The following SEZ6L variants were observed in gnomAD, a reference collection of about 807,000 sequenced individuals.
The protein encoded by SEZ6L is seizure related 6 homolog like, also known as seizure 6-like protein.
SEZ6L carries 37 observed loss-of-function variants against 106.2 expected under a neutral mutation model. That is an observed-to-expected ratio of 0.35 (90% CI 0.27 to 0.46). The LOEUF (loss-of-function observed/expected upper bound fraction) is 0.46, where lower values mean the gene tolerates loss of function less well. SEZ6L is among the 20% of genes least tolerant of loss of function. The probability of loss-of-function intolerance (pLI) is 1.00; values close to 1 mark genes in which losing one functional copy is unlikely to be tolerated. For synonymous variants in SEZ6L, 541 were observed against 570.4 expected (o/e 0.95, Z 0.73); for missense variants, 1,172 against 1,332.8 (o/e 0.88, Z 1.88).
At chr22:26,372,002 G>A (rs114796894) in intron 13 of SEZ6L, among the ~76,000 whole-genome samples, 36 of 152,318 alleles carry the variant, frequency 2.4e-4, no homozygotes, top group African/African-American at 7.7e-4. Flanking sequence ...CACCTGACTG[G>A]GACTTGGGGA....
chr22:26,183,334 C>T (rs1011553828), intron 1 of SEZ6L, among the ~76,000 whole-genome samples: 5 of 152,286 alleles, frequency 3.3e-5, no homozygotes, highest in African/African-American at 1.2e-4. Flanking sequence ...CTTATCTAAC[C>T]ATTCTTCAAA....
intron 5 of SEZ6L, among the ~76,000 whole-genome samples, chr22:26,304,412 G>GAAAT (rs1478781172): frequency 2.8e-5 from 4 of 141,564 alleles, no homozygotes; most frequent in African/African-American, 1.1e-4. Flanking sequence ...AAGAAAGAAA[G>GAAAT]AAAGAAAGAA....
At chr22:26,338,868 T>TTTTTTTC (rs1180473027) in intron 9 of SEZ6L, among the ~76,000 whole-genome samples, 2 of 78,696 alleles carry the variant, frequency 2.5e-5, no homozygotes, top group Non-Finnish European at 5.5e-5. Context: ...TTTTTTTTTC[T>TTTTTTTC]TTTTTTTTTT....
Position 26,310,764 on chromosome 22 carries a change from G to C in SEZ6L, c.1609G>C (p.Gly537Arg). Residue 537 changes from glycine to arginine, a missense_variant, in exon 7 of 17, where the codon GGC (glycine) becomes CGC (arginine). Gly to Arg is a moderately radical substitution (Grantham distance 125). Around this residue, in one of 4 missense-constraint regions of SEZ6L, gnomAD observed 534 missense variants for 691.0 expected, o/e 0.77. Coordinates refer to ENST00000248933, the MANE Select transcript of SEZ6L (RefSeq NM_021115.5). ...SVPFEGLLSE[G>R]NTIRIEFTSD... ...CCCTTTTGAGGGCCTGCTGAGCGAA[G>C]GCAACACCATCCGCATCGAGTTCAC... The C allele has an allele frequency of 6.2e-7, 1 of 1,614,118 alleles. No homozygotes were observed. The highest frequency in any genetic ancestry group is 8.5e-7 in the Non-Finnish European group (1 of 1,180,020).
intron 9 of SEZ6L, among the ~76,000 whole-genome samples, chr22:26,331,532 T>C (rs1315006451): frequency 3.3e-5 from 5 of 152,192 alleles, no homozygotes; most frequent in African/African-American, 1.2e-4. Context: ...CAGAAAGCTT[T>C]TATCTATCAA....
intron 9 of SEZ6L, among the ~76,000 whole-genome samples, chr22:26,329,484 G>A (rs892020879): frequency 3.3e-5 from 5 of 152,114 alleles, no homozygotes; most frequent in African/African-American, 1.2e-4. Flanking sequence ...AAAAGAAAAA[G>A]AAAACTCATC....
chr22:26,336,438 G>A (rs960180073), intron 9 of SEZ6L, among the ~76,000 whole-genome samples: 2 of 152,052 alleles, frequency 1.3e-5, no homozygotes, highest in African/African-American at 4.8e-5. Flanking sequence ...GCCTAGGATG[G>A]CCTCCCAGAC....
intron 9 of SEZ6L, among the ~76,000 whole-genome samples, chr22:26,317,486 G>A (rs950590259): frequency 4.0e-5 from 6 of 151,440 alleles, no homozygotes; most frequent in Admixed American, 1.3e-4. Context: ...TAAATAAGAC[G>A]GGCCCACATC....
intron 1 of SEZ6L, among the ~76,000 whole-genome samples, chr22:26,253,728 T>G (rs1489339360): frequency 2.0e-5 from 3 of 152,210 alleles, no homozygotes; most frequent in Non-Finnish European, 4.4e-5. Context: ...GGGACAAAAA[T>G]TGGTGCTTAG....
intron 1 of SEZ6L, among the ~76,000 whole-genome samples, chr22:26,259,417 T>C (rs1396868466): frequency 6.6e-6 from 1 of 152,178 alleles, no homozygotes; most frequent in Non-Finnish European, 1.5e-5. Flanking sequence ...CCCATGTAAT[T>C]GCAGCTGGAA....
Position 26,169,694 on chromosome 22 carries a change from G to C in SEZ6L, c.25G>C (p.Ala9Pro). Reference sequence around the variant, plus strand: ...GATGCCCGCGGCCCGGCCGCCCGCCGCGGGACTCCGCGGGATCTCGCTGTT... The same window carrying C: ...GATGCCCGCGGCCCGGCCGCCCGCCCCGGGACTCCGCGGGATCTCGCTGTT... MPAARPPAAGLRGISLFLA... is the reference protein window; with the variant it reads MPAARPPAPGLRGISLFLA... Residue 9 changes from alanine (A) to proline (P), a missense_variant, in exon 1 of 17, where the codon GCG becomes CCG. This residue lies in a region of SEZ6L where 494 missense variants were observed against 445.8 expected (regional missense o/e 1.11). Transcript: ENST00000248933. 7.6e-7 allele frequency: 1 copy of C among 1,313,552 alleles called. No homozygotes were observed. Among genetic ancestry groups the C allele is most frequent in the Non-Finnish European group, 9.7e-7 (1 of 1,033,494 alleles). 81.4% of individuals were successfully genotyped at this position (1,313,552 alleles called of 1,614,324 possible). A position where few individuals can be genotyped will look rare whatever the true frequency, so the allele number is the denominator to read the frequency against.
rs1345566222 is a variant in SEZ6L at position 26,292,598 on chromosome 22, T to C, written c.287T>C (p.Ile96Thr). The change falls in exon 2 of 17, where the codon ATC becomes ACC. Residue 96 changes from isoleucine (I) to threonine (T), a missense_variant. Around this residue, in one of 4 missense-constraint regions of SEZ6L, gnomAD observed 494 missense variants for 445.8 expected, o/e 1.11. Coordinates refer to ENST00000248933, the MANE Select transcript of SEZ6L (RefSeq NM_021115.5). ...DGTAPSAHHDIPALSPLLPEE... is the reference protein window; with the variant it reads ...DGTAPSAHHDTPALSPLLPEE... ...ACCGCACCCTCTGCACATCACGACA[T>C]CCCAGCCCTGTCACCGCTGCTTCCA... 1 of 1,613,566 alleles carries C rather than the reference T, an allele frequency of 6.2e-7. No individual in the cohort carries two copies. Among genetic ancestry groups the C allele is most frequent in the Non-Finnish European group, 8.5e-7 (1 of 1,179,822 alleles).
intron 12 of SEZ6L, among the ~76,000 whole-genome samples, chr22:26,352,975 G>A (rs1340807163): frequency 1.3e-5 from 2 of 152,192 alleles, no homozygotes; most frequent in Admixed American, 6.5e-5. Flanking sequence ...TAGGCCCAAA[G>A]CGCTTGCTTC....
At chr22:26,196,048 C>A (rs1940557215) in intron 1 of SEZ6L, among the ~76,000 whole-genome samples, 1 of 152,088 alleles carries the variant, frequency 6.6e-6, no homozygotes, top group Admixed American at 6.6e-5. Flanking sequence ...AAATTGTAAT[C>A]CCCAATGTTG....
chr22:26,371,812 T>G (rs1472482289), intron 13 of SEZ6L, among the ~76,000 whole-genome samples: 1 of 152,170 alleles, frequency 6.6e-6, no homozygotes, highest in Non-Finnish European at 1.5e-5. Context: ...ATGGAATTGC[T>G]AGCAAGAAAG....
intron 1 of SEZ6L, among the ~76,000 whole-genome samples, chr22:26,221,596 G>A (rs772784830): frequency 2.0e-5 from 3 of 152,212 alleles, no homozygotes; most frequent in Admixed American, 6.5e-5. Flanking sequence ...GCAAGCACTC[G>A]CTCGTGTCAA....
rs865922665 is a variant in SEZ6L at position 26,348,588 on chromosome 22, G to A, written c.2407+675G>A. 1.3e-3 allele frequency among the ~76,000 whole-genome samples: 66 copies of A among 51,738 alleles called. 1 individual carries two copies. Among genetic ancestry groups the A allele is most frequent in the East Asian group, 5.1e-3 (6 of 1,176 alleles). The allele number at this position is 51,738 out of a possible 152,430, so 33.9% of individuals were successfully genotyped here. A position where few individuals can be genotyped will look rare whatever the true frequency, so the allele number is the denominator to read the frequency against. On this transcript the variant is annotated intron_variant, in intron 11 of 16. Transcript: ENST00000248933. ...GAGGAAAGAAAGAAAGAAAGAAAGA[G>A]AAAGAAAGAAAGAAAGAAAGAGAAA...
intron 1 of SEZ6L, among the ~76,000 whole-genome samples, chr22:26,175,184 A>G (rs963723516): frequency 2.0e-5 from 3 of 152,206 alleles, no homozygotes; most frequent in African/African-American, 7.2e-5. Flanking sequence ...TGCCTAACAC[A>G]GTCCCTGGCA....
chr22:26,186,467 G>A (rs1017381886), intron 1 of SEZ6L, among the ~76,000 whole-genome samples: 2 of 152,054 alleles, frequency 1.3e-5, no homozygotes, highest in African/African-American at 2.4e-5. Context: ...GGGAAAGTTG[G>A]AATTTATAGC....
Sources: gnomAD v4.1 joint callset for allele counts (sites outside exome capture counted in the v4.1 genomes callset) on GRCh38, gnomAD v4.1.1 for gene constraint, gnomAD v4.1.1 regional missense constraint, MANE v1.5 for transcripts, NCBI Gene and HGNC (gene_info 2026-07-23, HGNC 2026-07-21) for gene names.